Variants in ADAMTS17 observed in about 807,000 individuals in gnomAD.
The protein encoded by ADAMTS17 is ADAM metallopeptidase with thrombospondin type 1 motif 17, also known as A disintegrin and metalloproteinase with thrombospondin motifs 17.
A neutral mutation model predicts 141.5 loss-of-function variants in ADAMTS17; 113 were observed. That is an observed-to-expected ratio of 0.80 (90% CI 0.69 to 0.93). ADAMTS17 has a LOEUF of 0.93. ADAMTS17 is among the 40% of genes least tolerant of loss of function. The pLI is 0.00. For missense variants in ADAMTS17, 1,659 were observed against 1,517.9 expected (o/e 1.09, Z -1.54); for synonymous variants, 768 against 630.6 (o/e 1.22, Z -3.27).
At chr15:100,175,347 C>T (rs572203651) in intron 8 of ADAMTS17, among the ~76,000 whole-genome samples, 18 of 152,262 alleles carry the variant, frequency 1.2e-4, no homozygotes, top group South Asian at 4.1e-4. Flanking sequence ...CCTTGGTCAC[C>T]CGGCATGGCC....
chr15:100,022,086 G>A (rs2061416500), intron 18 of ADAMTS17, among the ~76,000 whole-genome samples: 1 of 152,154 alleles, frequency 6.6e-6, no homozygotes, highest in African/African-American at 2.4e-5. Context: ...GTTGACCTTG[G>A]CTACTAAACT....
chr15:100,269,755 C>T (rs1054294606), intron 4 of ADAMTS17, among the ~76,000 whole-genome samples: 1 of 152,220 alleles, frequency 6.6e-6, no homozygotes, highest in Non-Finnish European at 1.5e-5. Flanking sequence ...TCACTCCTCA[C>T]CTGACCTTAG....
chr15:100,228,835 C>T (rs1309360344), intron 7 of ADAMTS17, among the ~76,000 whole-genome samples: 3 of 152,216 alleles, frequency 2.0e-5, no homozygotes, highest in African/African-American at 7.2e-5. Flanking sequence ...AACCCCAGCT[C>T]TCCCTGCCTA....
intron 4 of ADAMTS17, among the ~76,000 whole-genome samples, chr15:100,276,414 T>G (rs1387856878): frequency 3.5e-5 from 1 of 28,868 alleles, no homozygotes; most frequent in African/African-American, 1.6e-4. Flanking sequence ...GGTGGGAGGG[T>G]GGGAGGGTGT....
At chr15:100,140,589 A>T (rs1308086791) in intron 10 of ADAMTS17, among the ~76,000 whole-genome samples, 3 of 151,548 alleles carry the variant, frequency 2.0e-5, no homozygotes, top group African/African-American at 7.3e-5. Context: ...AGCAGTCACC[A>T]AGTCCAGACA....
chr15:100,129,969 C>T (rs896392605), intron 12 of ADAMTS17, among the ~76,000 whole-genome samples: 1 of 152,188 alleles, frequency 6.6e-6, no homozygotes, highest in Non-Finnish European at 1.5e-5. Context: ...AAACTATTAA[C>T]GTCAACACAG....
At chr15:100,250,864 T>C (rs2043132698) in intron 7 of ADAMTS17, among the ~76,000 whole-genome samples, 1 of 152,144 alleles carries the variant, frequency 6.6e-6, no homozygotes, top group South Asian at 2.1e-4. Flanking sequence ...CTTTTGGCAA[T>C]GATCATGACT....
intron 18 of ADAMTS17, among the ~76,000 whole-genome samples, chr15:100,010,122 G>A (rs2061132044): frequency 6.6e-6 from 1 of 152,330 alleles, no homozygotes; most frequent in African/African-American, 2.4e-5. Context: ...CATGTAAGAT[G>A]TGCCTTTGTT....
At chr15:100,325,569 A>T (rs1483680869) in intron 3 of ADAMTS17, among the ~76,000 whole-genome samples, 1 of 152,130 alleles carries the variant, frequency 6.6e-6, no homozygotes, top group Admixed American at 6.5e-5. Context: ...TCCCTCATGA[A>T]TGGCTTAGTG....
intron 3 of ADAMTS17, chr15:100,306,547 T>C (rs1421469082): frequency 1.1e-5 from 5 of 455,980 alleles, no homozygotes; most frequent in South Asian, 7.7e-5. Context: ...AGATTTCAAG[T>C]CCTCCCAGGT....
intron 15 of ADAMTS17, among the ~76,000 whole-genome samples, chr15:100,092,245 T>C (rs1392552574): frequency 6.6e-6 from 1 of 152,258 alleles, no homozygotes; most frequent in Non-Finnish European, 1.5e-5. Context: ...TTACAGTTTT[T>C]CTGATGGTAA....
chr15:100,121,665 C>T (rs1452936321), intron 12 of ADAMTS17, among the ~76,000 whole-genome samples: 1 of 151,976 alleles, frequency 6.6e-6, no homozygotes, highest in Non-Finnish European at 1.5e-5. Context: ...AAGTTTGTTA[C>T]CACTAGACCT....
intron 3 of ADAMTS17, among the ~76,000 whole-genome samples, chr15:100,310,597 C>A (rs1463470802): frequency 6.6e-6 from 1 of 152,190 alleles, no homozygotes; most frequent in Non-Finnish European, 1.5e-5. Context: ...CAGAAGGTCC[C>A]CTGCAGCAGA....
rs140132478 is a variant in ADAMTS17, at chr15:100,265,867, G to A, written c.790-3432C>T. ...ACTTGTTGGAAATGCACATTCTGGAGTCCACCCCAGCCCCCACTGAATCAG... is the reference window on the plus strand; with the variant it reads ...ACTTGTTGGAAATGCACATTCTGGAATCCACCCCAGCCCCCACTGAATCAG... On this transcript the variant is annotated intron_variant, in intron 4 of 21. Transcript: ENST00000268070. Among the ~76,000 whole-genome samples the A allele has an allele frequency of 4.6e-5, 7 of 152,334 alleles. No homozygotes were observed. In the East Asian group the frequency reaches 1.2e-3, roughly 25 times the overall value.
At chr15:99,983,277 G>GT (rs1567640863) in intron 20 of ADAMTS17, among the ~76,000 whole-genome samples, 2 of 152,158 alleles carry the variant, frequency 1.3e-5, no homozygotes, top group African/African-American at 4.8e-5. Flanking sequence ...TCAGAACACA[G>GT]TAGGTGCTCA....
chr15:100,167,599 C>T (rs1437573593), intron 8 of ADAMTS17, among the ~76,000 whole-genome samples: 2 of 152,096 alleles, frequency 1.3e-5, no homozygotes, highest in Non-Finnish European at 1.5e-5. Flanking sequence ...GCAAATGTGA[C>T]CTCAAGCAGG....
intron 7 of ADAMTS17, among the ~76,000 whole-genome samples, chr15:100,231,657 G>A (rs965698497): frequency 6.6e-6 from 1 of 152,182 alleles, no homozygotes; most frequent in African/African-American, 2.4e-5. Context: ...TTCCTGGTGT[G>A]TCCAAGGGTT....
chr15:100,132,273 G>A, intron 11 of ADAMTS17, 121 bp from the exon 12 acceptor site: 1 of 1,356,506 alleles, frequency 7.4e-7, no homozygotes, highest in Non-Finnish European at 1.0e-6. Context: ...TAAAGGTACA[G>A]TCTATTTCAG....
Position 100,016,909 on chromosome 15 carries a change from G to T in ADAMTS17, c.2592-19320C>A, listed in dbSNP as rs574139670. ...GTAGTATGGAGAGGGATCAGTGGCA[G>T]GTGGGGCCCTAGAACCCTCAAGATT... On this transcript the variant is annotated intron_variant, in intron 18 of 21. Transcript: ENST00000268070. Among the ~76,000 whole-genome samples the T allele has an allele frequency of 5.3e-5, 8 of 152,338 alleles. No individual in the cohort carries two copies. The East Asian group carries it at 1.5e-3, about 29-fold the overall frequency.
Sources: allele counts gnomAD v4.1 joint callset (sites outside exome capture counted in the v4.1 genomes callset), GRCh38; gene constraint gnomAD v4.1.1; transcripts MANE v1.5; gene names NCBI Gene and HGNC (gene_info 2026-07-23, HGNC 2026-07-21).